Variants in ELF1 observed in about 807,000 individuals in gnomAD.
ELF1 encodes E74 like ETS transcription factor 1.
ELF1 carries 24 observed loss-of-function variants against 59.9 expected under a neutral mutation model. The ratio of observed to expected loss-of-function variants is 0.40; its 90% confidence interval spans 0.29 to 0.56. The LOEUF is 0.56. Among genes scored for constraint, ELF1 ranks in the 20% least tolerant of loss-of-function variants. ELF1 has a pLI of 0.44. For missense variants in ELF1, 627 were observed against 742.2 expected (o/e 0.84, Z 1.80); for synonymous variants, 248 against 266.2 (o/e 0.93, Z 0.67).
chr13:41,049,836 G>A (rs887171323), intron 1 of ELF1, among the ~76,000 whole-genome samples: 2 of 152,108 alleles, frequency 1.3e-5, no homozygotes, highest in African/African-American at 4.8e-5. Context: ...ATCCATGTCC[G>A]TCTCTCCCAC....
intron 2 of ELF1, among the ~76,000 whole-genome samples, chr13:40,962,528 T>C (rs1445279383): frequency 4.0e-5 from 6 of 150,722 alleles, no homozygotes; most frequent in Non-Finnish European, 5.9e-5. Context: ...ACTAAAAAAA[T>C]ACAAAAAATG....
intron 1 of ELF1, among the ~76,000 whole-genome samples, chr13:40,999,291 C>T (rs558262521): frequency 1.3e-5 from 2 of 152,218 alleles, no homozygotes; most frequent in African/African-American, 4.8e-5. Flanking sequence ...AAACACTTCA[C>T]AGATAATGTG....
chr13:41,035,846 AC>A (rs146334599), intron 1 of ELF1, among the ~76,000 whole-genome samples: 3,940 of 147,006 alleles, frequency 0.027, 153 homozygotes, highest in African/African-American at 0.083. Context: ...TAAAAAAAAA[AC>A]AACAACAACA....
At position 40,982,147 on chromosome 13, in the gene ELF1, C is replaced by T; in HGVS notation, c.-93G>A. ...TCCAGTGACTGATTTGGGTAAAAAA[C>T]CCTCAGCTCTGTCTGTGGAGTAATT... On this transcript the variant is annotated 5_prime_UTR_variant, in exon 2 of 9. Transcript: ENST00000239882. 4 of 1,532,010 alleles carry T rather than the reference C, an allele frequency of 2.6e-6. No homozygotes were observed. The highest frequency in any genetic ancestry group is 2.6e-6 in the Non-Finnish European group (3 of 1,140,670). 94.9% of individuals were successfully genotyped at this position (1,532,010 alleles called of 1,614,324 possible).
At chr13:40,954,737 C>T (rs1433102667) in intron 3 of ELF1, among the ~76,000 whole-genome samples, 20 of 150,654 alleles carry the variant, frequency 1.3e-4, no homozygotes, top group South Asian at 4.2e-4. Context: ...GACGGAGTCG[C>T]GTTCACTCAG....
In ELF1 at chr13:41,036,066, G is replaced by A. The variant is rs374953449; in HGVS notation, c.-229+24772C>T. Among the ~76,000 whole-genome samples, 15 of 151,776 alleles carry A rather than the reference G, an allele frequency of 9.9e-5. No individual in the cohort carries two copies. The East Asian group carries it at 1.4e-3, about 14-fold the overall frequency. ...ACCACAGGTGCCCGCCACCACGCCC[G>A]GCTAATTTTTTTTTGTTGTTGTTGT... On this transcript the variant is annotated intron_variant, in intron 1 of 1. Transcript: ENST00000405737.
intron 7 of ELF1, among the ~76,000 whole-genome samples, chr13:40,941,807 G>A (rs1479862672): frequency 6.6e-6 from 1 of 152,026 alleles, no homozygotes; most frequent in Non-Finnish European, 1.5e-5. Flanking sequence ...ACAGGCGCAT[G>A]CTACCACACG....
intron 2 of ELF1, among the ~76,000 whole-genome samples, chr13:40,979,035 T>G (rs1314078500): frequency 6.6e-6 from 1 of 151,998 alleles, no homozygotes; most frequent in African/African-American, 2.4e-5. Flanking sequence ...AACCCTTGCC[T>G]GCTTCCTTCC....
intron 1 of ELF1, among the ~76,000 whole-genome samples, chr13:41,051,109 C>T (rs183392806): frequency 1.3e-5 from 2 of 151,636 alleles, no homozygotes; most frequent in Admixed American, 1.3e-4. Context: ...GTTTCATAAA[C>T]AAACAACCTT....
At chr13:40,934,440 T>A (rs1593344780) in intron 8 of ELF1, among the ~76,000 whole-genome samples, 1 of 141,920 alleles carries the variant, frequency 7.0e-6, no homozygotes, top group South Asian at 2.3e-4. Context: ...TTTTTTTTTT[T>A]AGATGGAGTT....
chr13:40,982,233 T>A lies in ELF1; in HGVS notation c.-179A>T. 2 of 1,283,500 alleles carry A rather than the reference T, an allele frequency of 1.6e-6. No individual in the cohort carries two copies. The highest frequency in any genetic ancestry group is 2.0e-6 in the Non-Finnish European group (2 of 1,014,106). 79.5% of individuals were successfully genotyped at this position (1,283,500 alleles called of 1,614,324 possible). Reference sequence around the variant, plus strand: ...TTTTCCTGGTTCATTGATATTCTAGTCAAATTGAGACAATTTTTCTGAAAT... The same window carrying A: ...TTTTCCTGGTTCATTGATATTCTAGACAAATTGAGACAATTTTTCTGAAAT... On this transcript the variant is annotated 5_prime_UTR_variant, in exon 2 of 9. Transcript: ENST00000239882.
At chr13:40,940,890 G>C in intron 8 of ELF1, 31 bp downstream of exon 8, 1 of 1,569,288 alleles carries the variant, frequency 6.4e-7, no homozygotes, top group Non-Finnish European at 8.7e-7. Flanking sequence ...ACATATTGAA[G>C]TGATAAGCAT....
chr13:40,988,080 T>C (rs1343662481), intron 1 of ELF1, among the ~76,000 whole-genome samples: 1 of 152,228 alleles, frequency 6.6e-6, no homozygotes, highest in African/African-American at 2.4e-5. Flanking sequence ...GTTTGGTCTT[T>C]TAAAAAATCT....
chr13:40,952,539 T>C (rs1375509960), intron 3 of ELF1, among the ~76,000 whole-genome samples: 1 of 151,908 alleles, frequency 6.6e-6, no homozygotes, highest in East Asian at 1.9e-4. Flanking sequence ...TTTTTAAAAT[T>C]TTTTTAGAGA....
intron 1 of ELF1, among the ~76,000 whole-genome samples, chr13:40,998,898 A>G (rs1294633385): frequency 6.6e-6 from 1 of 152,190 alleles, no homozygotes; most frequent in Non-Finnish European, 1.5e-5. Context: ...AAATACAAAA[A>G]TTAGCTGGGC....
intron 1 of ELF1, among the ~76,000 whole-genome samples, chr13:41,035,844 AAACAACAAC>A (rs1165440085): frequency 2.7e-5 from 4 of 148,732 alleles, no homozygotes; most frequent in Middle Eastern, 3.5e-3. Flanking sequence ...GTTAAAAAAA[AAACAACAAC>A]AACAACAACA....
chr13:40,982,088 A>G lies in ELF1; in HGVS notation c.-34T>C. The G allele has an allele frequency of 6.3e-7, 1 of 1,595,270 alleles. No individual in the cohort carries two copies. Among genetic ancestry groups the G allele is most frequent in the South Asian group, 1.1e-5 (1 of 87,020 alleles). ...ATTCCCCTTAGATCCACATGAGAAA[A>G]ATTCCAAGAAGATTCACGTATCAGG... is the stretch of plus-strand genomic sequence containing the variant. On this transcript the variant is annotated 5_prime_UTR_variant, in exon 2 of 9. Coordinates refer to ENST00000239882, the MANE Select transcript of ELF1 (RefSeq NM_172373.4).
intron 8 of ELF1, among the ~76,000 whole-genome samples, chr13:40,937,649 T>A (rs1211216558): frequency 1.3e-5 from 2 of 152,080 alleles, no homozygotes; most frequent in African/African-American, 4.8e-5. Flanking sequence ...TTTTGTATTT[T>A]TAGTAGAGTC....
intron 1 of ELF1, among the ~76,000 whole-genome samples, chr13:41,018,114 T>C (rs1208768909): frequency 6.6e-6 from 1 of 152,212 alleles, no homozygotes; most frequent in African/African-American, 2.4e-5. Flanking sequence ...CTAAATATCA[T>C]TTTGGTCAAC....
Sources: gnomAD v4.1 joint callset for allele counts (sites outside exome capture counted in the v4.1 genomes callset) on GRCh38, gnomAD v4.1.1 for gene constraint, MANE v1.5 for transcripts, NCBI Gene and HGNC (gene_info 2026-07-23, HGNC 2026-07-21) for gene names.